GALNT13: variants seen among roughly 807,000 people sequenced by gnomAD.
GALNT13 encodes UDP-GalNAc:polypeptide N-acetylgalactosaminyltransferase 13.
A neutral mutation model predicts 64.2 loss-of-function variants in GALNT13; 28 were observed. The observed-to-expected ratio is 0.44, with a 90% CI of 0.32 to 0.60. The LOEUF (loss-of-function observed/expected upper bound fraction) is 0.60. Among genes scored for constraint, GALNT13 ranks in the 20% least tolerant of loss-of-function variants. The pLI, the probability that GALNT13 is intolerant of heterozygous loss-of-function variation, is 0.05. For missense variants in GALNT13, 577 were observed against 669.8 expected (o/e 0.86, Z 1.53); for synonymous variants, 214 against 224.6 (o/e 0.95, Z 0.42).
At chr2:154,340,639 C>T (rs1193489225) in intron 9 of GALNT13, among the ~76,000 whole-genome samples, 1 of 151,990 alleles carries the variant, frequency 6.6e-6, no homozygotes, top group Non-Finnish European at 1.5e-5. Context: ...TACCATCATC[C>T]TAAATTTAGA....
At chr2:153,800,799 C>T in the GALNT13 span, among the ~76,000 whole-genome samples, 2 of 152,142 alleles carry the variant, frequency 1.3e-5, no homozygotes, top group African/African-American at 4.8e-5. Flanking sequence ...TTGCTATTTC[C>T]ATTACATCTG....
chr2:154,196,848 A>T (rs1160626188), intron 4 of GALNT13, among the ~76,000 whole-genome samples: 1 of 152,196 alleles, frequency 6.6e-6, no homozygotes, highest in Non-Finnish European at 1.5e-5. Flanking sequence ...TCTTTGTTGA[A>T]TGCCCTTTGG....
At chr2:153,272,453 T>C in the GALNT13 span, among the ~76,000 whole-genome samples, 12 of 150,218 alleles carry the variant, frequency 8.0e-5, no homozygotes, top group Admixed American at 4.0e-4. Flanking sequence ...GGGTAAAGGA[T>C]ATGAACAGAC....
chr2:153,533,723 C>CTTTTTGTTTTTTTTTTTTTTT, the GALNT13 span, among the ~76,000 whole-genome samples: 1 of 48,732 alleles, frequency 2.1e-5, no homozygotes, highest in African/African-American at 8.6e-5. Context: ...TGAGGTTTTT[C>CTTTTTGTTTTTTTTTTTTTTT]TTTTTTTTTT....
At chr2:153,632,257 A>G in the GALNT13 span, among the ~76,000 whole-genome samples, 4 of 152,234 alleles carry the variant, frequency 2.6e-5, no homozygotes, top group Admixed American at 2.6e-4. Flanking sequence ...AGCAGAAAGT[A>G]CAGAGTTCCC....
At chr2:153,370,930 G>C in the GALNT13 span, 1 of 203,598 alleles carries the variant, frequency 4.9e-6, no homozygotes, top group Non-Finnish European at 1.0e-5. Context: ...GACCAAACAG[G>C]CTGTGGAAAA....
At chr2:153,736,460 A>G in the GALNT13 span, among the ~76,000 whole-genome samples, 1 of 152,130 alleles carries the variant, frequency 6.6e-6, no homozygotes, top group Admixed American at 6.6e-5. Context: ...TTAATAGTGA[A>G]TTCTGTTTCA....
chr2:153,826,637 A>G, the GALNT13 span, among the ~76,000 whole-genome samples: 1 of 152,152 alleles, frequency 6.6e-6, no homozygotes, highest in Non-Finnish European at 1.5e-5. Flanking sequence ...GTTTTAAACC[A>G]GGAAATGACA....
chr2:153,650,871 T>C, the GALNT13 span, among the ~76,000 whole-genome samples: 1 of 152,126 alleles, frequency 6.6e-6, no homozygotes, highest in Non-Finnish European at 1.5e-5. Context: ...AGTATAAGAT[T>C]AAAACTTGGT....
At chr2:153,140,857 A>G in the GALNT13 span, among the ~76,000 whole-genome samples, 2 of 152,170 alleles carry the variant, frequency 1.3e-5, no homozygotes, top group East Asian at 1.9e-4. Flanking sequence ...CTTCATATAC[A>G]TAATTGTTTA....
In GALNT13 at chr2:154,329,869, C is replaced by A. The variant is rs1695075289; in HGVS notation, c.1156+28280C>A. On this transcript the variant is annotated intron_variant, in intron 9 of 12. Transcript: ENST00000392825. ...ATCTCTGTGCAGAATGGCTCCCTTT[C>A]ACCTTCTGCCATGGTTGAAAACAGC... Among the ~76,000 whole-genome samples the A allele has an allele frequency of 2.6e-5, 4 of 152,082 alleles. No individual in the cohort carries two copies. In the South Asian group the frequency reaches 8.3e-4, roughly 32 times the overall value.
At chr2:153,866,917 A>C in the GALNT13 span, among the ~76,000 whole-genome samples, 1 of 152,168 alleles carries the variant, frequency 6.6e-6, no homozygotes, top group African/African-American at 2.4e-5. Flanking sequence ...ACATCAGTTA[A>C]AATCTTATTT....
At chr2:154,214,585 T>C (rs1687946487) in intron 4 of GALNT13, among the ~76,000 whole-genome samples, 1 of 152,146 alleles carries the variant, frequency 6.6e-6, no homozygotes, top group Admixed American at 6.6e-5. Context: ...TTTCCCCTGA[T>C]GTTCTCATGA....
At chr2:153,483,508 C>T in the GALNT13 span, among the ~76,000 whole-genome samples, 1 of 148,970 alleles carries the variant, frequency 6.7e-6, no homozygotes, top group Non-Finnish European at 1.5e-5. Flanking sequence ...CCTCTGCCTC[C>T]AGGGTTCAAG....
the GALNT13 span, among the ~76,000 whole-genome samples, chr2:153,601,169 T>A: frequency 1.3e-5 from 2 of 151,820 alleles, no homozygotes; most frequent in African/African-American, 4.8e-5. Context: ...TAGGCTTTTT[T>A]TTTTTGCCCT....
chr2:153,458,871 T>C, the GALNT13 span, among the ~76,000 whole-genome samples: 1 of 152,178 alleles, frequency 6.6e-6, no homozygotes, highest in African/African-American at 2.4e-5. Flanking sequence ...ATATCTTCCT[T>C]CTTTGAATAT....
At chr2:153,570,008 G>C in the GALNT13 span, among the ~76,000 whole-genome samples, 1 of 152,096 alleles carries the variant, frequency 6.6e-6, no homozygotes, top group African/African-American at 2.4e-5. Context: ...CATCCAAACT[G>C]TTATTCATAG....
chr2:154,388,851 T>C (rs1028190340), intron 9 of GALNT13, among the ~76,000 whole-genome samples: 1 of 152,204 alleles, frequency 6.6e-6, no homozygotes, highest in Non-Finnish European at 1.5e-5. Context: ...TATATACTGG[T>C]CTACTCCTGT....
the GALNT13 span, among the ~76,000 whole-genome samples, chr2:153,414,722 TA>T: frequency 2.0e-5 from 3 of 152,110 alleles, no homozygotes; most frequent in Admixed American, 6.6e-5. Context: ...TTTTACAGCT[TA>T]AAAAAATACT....
Sources: gnomAD v4.1 joint callset for allele counts (sites outside exome capture counted in the v4.1 genomes callset) on GRCh38, gnomAD v4.1.1 for gene constraint, MANE v1.5 for transcripts, NCBI Gene and HGNC (gene_info 2026-07-23, HGNC 2026-07-21) for gene names.